The following CASP6 variants were observed in gnomAD, a reference collection of about 807,000 sequenced individuals.
CASP6 encodes the protein caspase-6.
CASP6 carries 20 observed loss-of-function variants against 31.8 expected under a neutral mutation model. That is an observed-to-expected ratio of 0.63 (90% CI 0.44 to 0.91). CASP6 has a LOEUF of 0.91. CASP6 is among the 40% of genes least tolerant of loss of function. The pLI is 0.00. For synonymous variants in CASP6, 130 were observed against 127.8 expected (o/e 1.02, Z -0.12); for missense variants, 328 against 361.1 (o/e 0.91, Z 0.74).
downstream of CASP6, among the ~76,000 whole-genome samples, chr4:109,685,545 C>T (rs569614938): frequency 6.6e-6 from 1 of 152,246 alleles, no homozygotes; most frequent in East Asian, 1.9e-4. Flanking sequence ...CCCAGTTTTA[C>T]TCTTCTGTAC....
the CASP6 span, among the ~76,000 whole-genome samples, chr4:109,680,653 C>G: frequency 6.6e-6 from 1 of 152,080 alleles, no homozygotes; most frequent in Non-Finnish European, 1.5e-5. Flanking sequence ...GCAGCTATAG[C>G]CTAGACTATG....
chr4:109,685,030 A>G, downstream of CASP6: 1 of 413,870 alleles, frequency 2.4e-6, no homozygotes, highest in East Asian at 3.7e-5. Context: ...ATTATGTGTA[A>G]TTTCTCTTCC....
chr4:109,695,797 AGGTGC>A (rs910504101), intron 4 of CASP6, among the ~76,000 whole-genome samples: 55 of 151,858 alleles, frequency 3.6e-4, no homozygotes, highest in Non-Finnish European at 6.8e-4. Context: ...ACTCAAAGCC[AGGTGC>A]GGTGCCATGA....
chr4:109,669,610 TCTTTC>T, the CASP6 span, among the ~76,000 whole-genome samples: 3 of 152,026 alleles, frequency 2.0e-5, no homozygotes, highest in Non-Finnish European at 2.9e-5. Context: ...ATTCTTCTGT[TCTTTC>T]CTTTCTTCTC....
At chr4:109,695,481 G>A (rs985464314) in intron 4 of CASP6, among the ~76,000 whole-genome samples, 2 of 152,166 alleles carry the variant, frequency 1.3e-5, no homozygotes, top group Non-Finnish European at 2.9e-5. Context: ...TTAGGGCCAG[G>A]CGCAGTGGCT....
the CASP6 span, among the ~76,000 whole-genome samples, chr4:109,667,017 A>G: frequency 3.9e-5 from 6 of 152,190 alleles, no homozygotes; most frequent in East Asian, 1.2e-3. Flanking sequence ...TTTTGTGTCT[A>G]TATTCACGAG....
chr4:109,679,455 G>A, the CASP6 span, among the ~76,000 whole-genome samples: 8 of 152,176 alleles, frequency 5.3e-5, no homozygotes, highest in Non-Finnish European at 1.2e-4. Context: ...AGACCAGCCC[G>A]GTCAACACGG....
At chr4:109,707,866 G>C (rs1730651467), upstream of CASP6, among the ~76,000 whole-genome samples, 1 of 152,094 alleles carries the variant, frequency 6.6e-6, no homozygotes, top group South Asian at 2.1e-4. Flanking sequence ...GCTCAATGTT[G>C]GATTTAATTT....
At chr4:109,708,107 T>C (rs577664576), upstream of CASP6, among the ~76,000 whole-genome samples, 311 of 152,324 alleles carry the variant, frequency 2.0e-3, 3 homozygotes, top group African/African-American at 7.0e-3. Flanking sequence ...TCTCATACTA[T>C]TATTTGGGAG....
chr4:109,688,132 T>G (rs1268726852), downstream of CASP6: 1 of 152,394 alleles, frequency 6.6e-6, no homozygotes, highest in Non-Finnish European at 1.5e-5. Flanking sequence ...TTTTTGAACT[T>G]CAACTGAAAC....
At chr4:109,671,593 A>C in the CASP6 span, among the ~76,000 whole-genome samples, 2 of 152,040 alleles carry the variant, frequency 1.3e-5, no homozygotes, top group Non-Finnish European at 2.9e-5. Flanking sequence ...CTAAGTTTCT[A>C]TCTCTCCATT....
At chr4:109,691,770 G>GT (rs1489710736) in intron 5 of CASP6, among the ~76,000 whole-genome samples, 1 of 152,162 alleles carries the variant, frequency 6.6e-6, no homozygotes, top group Non-Finnish European at 1.5e-5. Flanking sequence ...GGTCATACGG[G>GT]TGAAACCAAA....
At chr4:109,684,823 T>C, downstream of CASP6, 1 of 527,330 alleles carries the variant, frequency 1.9e-6, no homozygotes, top group Non-Finnish European at 3.3e-6. Context: ...CACAGAGAAA[T>C]TATATATAAC....
chr4:109,673,734 AG>A, the CASP6 span: 1 of 514,130 alleles, frequency 1.9e-6, no homozygotes, highest in African/African-American at 1.9e-5. Flanking sequence ...TAAGTTCACA[AG>A]GAAGACACAT....
chr4:109,685,470 T>C, downstream of CASP6: 2 of 579,450 alleles, frequency 3.5e-6, no homozygotes, highest in Non-Finnish European at 3.1e-6. Flanking sequence ...ATCTTGGTCC[T>C]AGATTTCTGT....
At chr4:109,706,166 T>C (rs1395300588), upstream of CASP6, among the ~76,000 whole-genome samples, 19 of 92,000 alleles carry the variant, frequency 2.1e-4, 1 homozygote, top group African/African-American at 3.6e-4. Context: ...TATATATATA[T>C]ATATACACAC....
intron 6 of CASP6, 25 bp downstream of exon 6, chr4:109,690,825 T>A: frequency 6.3e-7 from 1 of 1,575,200 alleles, no homozygotes; most frequent in Non-Finnish European, 8.6e-7. Flanking sequence ...GAGGCAATTA[T>A]ATGTTTGTTT....
At chr4:109,686,313 A>AT (rs1729835171), downstream of CASP6, among the ~76,000 whole-genome samples, 1 of 152,028 alleles carries the variant, frequency 6.6e-6, no homozygotes, top group Non-Finnish European at 1.5e-5. Context: ...TACTTTTTGT[A>AT]TTTTTAGTAG....
At chr4:109,703,186 C>A (rs1730481988) in intron 1 of CASP6, among the ~76,000 whole-genome samples, 170 bp downstream of exon 1, 1 of 152,148 alleles carries the variant, frequency 6.6e-6, no homozygotes, top group African/African-American at 2.4e-5. Flanking sequence ...CGTCCCCACC[C>A]GCCCTGAGCG....
Sources: gnomAD v4.1 joint callset for allele counts (sites outside exome capture counted in the v4.1 genomes callset) on GRCh38, gnomAD v4.1.1 for gene constraint, MANE v1.5 for transcripts, NCBI Gene and HGNC (gene_info 2026-07-23, HGNC 2026-07-21) for gene names.